The following IMPDH1 variants were observed in gnomAD, a reference collection of about 807,000 sequenced individuals.
The protein encoded by IMPDH1 is inosine-5'-monophosphate dehydrogenase 1.
IMPDH1 carries 41 observed loss-of-function variants against 73.5 expected under a neutral mutation model. The ratio of observed to expected loss-of-function variants is 0.56; its 90% confidence interval spans 0.43 to 0.72. The LOEUF (loss-of-function observed/expected upper bound fraction) is 0.72. IMPDH1 is among the 30% of genes least tolerant of loss of function. The pLI is 0.00. For missense variants in IMPDH1, 645 were observed against 824.8 expected, an observed-to-expected ratio of 0.78 and a Z score of 2.67; for synonymous variants, 318 against 334.3, an observed-to-expected ratio of 0.95 and a Z score of 0.53.
chr7:128,401,655 T>C (rs1798347213), intron 5 of IMPDH1, among the ~76,000 whole-genome samples: 1 of 152,072 alleles, frequency 6.6e-6, no homozygotes, highest in Non-Finnish European at 1.5e-5. Context: ...GACAGAGAAA[T>C]GATCTGATTT....
In IMPDH1 at chr7:128,409,741, T is replaced by C. The variant is rs1387971113; in HGVS notation, c.146+15A>G. On this transcript the variant is annotated intron_variant, in intron 1 of 16. Coordinates refer to ENST00000338791, the MANE Select transcript of IMPDH1 (RefSeq NM_000883.4). ...CGCCCCGGATGCGCCCCGCGCGCTC[T>C]GCCCTGGGCGTCACCTCTCGGGCTC... 2 of 1,523,924 alleles carry C rather than the reference T, an allele frequency of 1.3e-6. No homozygotes were observed. The highest frequency in any genetic ancestry group is 4.0e-5 in the Admixed American group (2 of 49,664). 94.4% of individuals were successfully genotyped at this position (1,523,924 alleles called of 1,614,324 possible).
In IMPDH1 at chr7:128,404,466, T is replaced by C. The variant is rs577222979; in HGVS notation, c.354-712A>G. Among the ~76,000 whole-genome samples, 12 of 152,238 alleles carry C rather than the reference T, an allele frequency of 7.9e-5. No homozygotes were observed. In the South Asian group the frequency reaches 2.3e-3, roughly 29 times the overall value. On this transcript the variant is annotated intron_variant, in intron 4 of 16. Coordinates refer to ENST00000338791, the MANE Select transcript of IMPDH1 (RefSeq NM_000883.4). ...AAGTGCAGGCCTGCATGGGTACATC[T>C]AGGTGCAGGGTCACAGCTCAGGGGC...
At chr7:128,393,712 G>A (rs547361674) in intron 16 of IMPDH1, 6 of 192,000 alleles carry the variant, frequency 3.1e-5, no homozygotes, top group South Asian at 2.1e-4. Context: ...CGGGCAGCGC[G>A]GTTACTTACA....
At chr7:128,403,836 A>G (rs1798512986) in intron 4 of IMPDH1, 82 bp from the exon 5 acceptor site, 1 of 1,227,654 alleles carries the variant, frequency 8.1e-7, no homozygotes, top group Non-Finnish European at 1.2e-6. Flanking sequence ...AGGAGGCAGC[A>G]GGGGGGTACA....
At chr7:128,408,808 G>T (rs918210763) in intron 3 of IMPDH1, among the ~76,000 whole-genome samples, 1 of 152,192 alleles carries the variant, frequency 6.6e-6, no homozygotes, top group African/African-American at 2.4e-5. Flanking sequence ...GAAAGGCTGG[G>T]AGTTGCCTAA....
chr7:128,398,347 T>C lies in IMPDH1; in HGVS notation c.1074+67A>G. On this transcript the variant is annotated intron_variant, in intron 10 of 16. Transcript: ENST00000338791. This position sits in a 1 kb window ranked among gnomAD's most constrained non-coding sequence, Gnocchi z 4.3. ...AGGCTTAATCAGAGGTGAACCTGGG[T>C]CCTCATAAACCTCCACTCTGCTGAA... 1 of 1,306,448 alleles carries C rather than the reference T, an allele frequency of 7.7e-7. No individual in the cohort carries two copies. The highest frequency in any genetic ancestry group is 1.2e-5 in the South Asian group (1 of 83,758). 80.9% of individuals were successfully genotyped at this position (1,306,448 alleles called of 1,614,324 possible).
intron 3 of IMPDH1, among the ~76,000 whole-genome samples, chr7:128,408,328 G>T (rs1366926901): frequency 6.6e-6 from 1 of 152,200 alleles, no homozygotes; most frequent in Non-Finnish European, 1.5e-5. Context: ...GATGGGGGAA[G>T]GGCAGAAAAG....
Position 128,409,278 on chromosome 7 carries a change from A to T in IMPDH1, c.254+11T>A, listed in dbSNP as rs552723871. Reference sequence around the variant, plus strand: ...TCTCAGTGCATGGTGAGGAGGGGAGAGTGTCCTCACCTAGCCCTGCGAAGG... The same window carrying T: ...TCTCAGTGCATGGTGAGGAGGGGAGTGTGTCCTCACCTAGCCCTGCGAAGG... On this transcript the variant is annotated intron_variant, in intron 3 of 16. Coordinates refer to ENST00000338791, the MANE Select transcript of IMPDH1 (RefSeq NM_000883.4). The T allele has an allele frequency of 1.2e-4, 196 of 1,608,050 alleles. 2 individuals are homozygous for T. In the South Asian group the frequency reaches 2.0e-3, roughly 16 times the overall value.
intron 12 of IMPDH1, 62 bp from the exon 13 acceptor site, chr7:128,395,336 G>T: frequency 6.3e-7 from 1 of 1,588,674 alleles, no homozygotes; most frequent in Non-Finnish European, 8.6e-7. Flanking sequence ...GGCCTGGAGC[G>T]GGGCCAGCCC....
intron 5 of IMPDH1, among the ~76,000 whole-genome samples, chr7:128,401,790 G>C (rs3793167): frequency 1.3e-5 from 2 of 152,188 alleles, no homozygotes; most frequent in Non-Finnish European, 2.9e-5. Flanking sequence ...CGAATGGTCT[G>C]GAGCTCAGGA....
Position 128,394,666 on chromosome 7 carries a change from G to C in IMPDH1, c.1551-67C>G. On this transcript the variant is annotated intron_variant, in intron 14 of 16. Coordinates refer to ENST00000338791, the MANE Select transcript of IMPDH1 (RefSeq NM_000883.4). The surrounding 1 kb of genome is among the most constrained non-coding windows in gnomAD (Gnocchi z 5.5). Reference sequence around the variant, plus strand: ...CAGAGGACCCCACCCCACCTCTTAAGGGCAAAAACGGGATACCGCCCAGGA... The same window carrying C: ...CAGAGGACCCCACCCCACCTCTTAACGGCAAAAACGGGATACCGCCCAGGA... 2 of 1,586,002 alleles carry C rather than the reference G, an allele frequency of 1.3e-6. No individual in the cohort carries two copies. The highest frequency in any genetic ancestry group is 1.7e-6 in the Non-Finnish European group (2 of 1,161,650).
At position 128,392,969 on chromosome 7, in the gene IMPDH1, G is replaced by A. The variant is rs1276310090; in HGVS notation, c.*38C>T. 1 of 1,610,832 alleles carries A rather than the reference G, an allele frequency of 6.2e-7. No individual in the cohort carries two copies. Among genetic ancestry groups the A allele is most frequent in the Middle Eastern group, 1.7e-4 (1 of 6,022 alleles). Reference sequence around the variant, plus strand: ...GCTGTGCCCAAAAGTGGACACTGGGGTGCATCCCCTCCACCACCTCGGCCT... The same window carrying A: ...GCTGTGCCCAAAAGTGGACACTGGGATGCATCCCCTCCACCACCTCGGCCT... On this transcript the variant is annotated 3_prime_UTR_variant, in exon 17 of 17. Transcript: ENST00000338791.
intron 4 of IMPDH1, 108 bp from the exon 5 acceptor site, chr7:128,403,862 G>A (rs1798515880): frequency 1.0e-6 from 1 of 957,142 alleles, no homozygotes; most frequent in South Asian, 1.3e-5. Flanking sequence ...GCCTAGAGGA[G>A]CAGAGGCTAC....
At chr7:128,395,055 T>C in intron 13 of IMPDH1, 22 bp from the exon 14 acceptor site, 1 of 1,613,826 alleles carries the variant, frequency 6.2e-7, no homozygotes, top group Non-Finnish European at 8.5e-7. Flanking sequence ...AAGGGATTAG[T>C]GCCTCCAGCC....
Position 128,403,738 on chromosome 7 carries a change from G to A in IMPDH1, c.370C>T (p.Pro124Ser). The A allele has an allele frequency of 6.2e-7, 1 of 1,614,060 alleles. No homozygotes were observed. The highest frequency in any genetic ancestry group is 1.1e-5 in the South Asian group (1 of 91,084). The change falls in exon 5 of 17, where the codon CCA (proline) becomes TCA (serine). Residue 124 changes from proline to serine, a missense_variant. Coordinates refer to ENST00000338791, the MANE Select transcript of IMPDH1 (RefSeq NM_000883.4). Reference protein sequence around the residue: ...GLTYNDFLILPGFIDFIADEV... With the variant: ...GLTYNDFLILSGFIDFIADEV... ...TCAGCTATGAAGTCTATGAATCCTG[G>A]GAGAATCAGGAAGTCGCTGTGAAGA...
chr7:128,394,620 T>A lies in IMPDH1; in HGVS notation c.1551-21A>T. ...CCTCGCTGCGTGGAGGGTGGAAGAC[T>A]GAGCCCAGCAGCTTGAAGCTCAGAG... On this transcript the variant is annotated intron_variant, in intron 14 of 16. Transcript: ENST00000338791. The surrounding 1 kb of genome is among the most constrained non-coding windows in gnomAD (Gnocchi z 5.5). 1 of 1,612,722 alleles carries A rather than the reference T, an allele frequency of 6.2e-7. No homozygotes were observed. Among genetic ancestry groups the A allele is most frequent in the East Asian group, 2.2e-5 (1 of 44,868 alleles).
At chr7:128,405,519 G>A (rs972439138) in intron 4 of IMPDH1, among the ~76,000 whole-genome samples, 9 of 152,196 alleles carry the variant, frequency 5.9e-5, no homozygotes, top group African/African-American at 1.9e-4. Flanking sequence ...CCGCTGAGAG[G>A]AGGAAGGGGA....
In IMPDH1 at chr7:128,397,028, AG is replaced by A. The variant is rs775430851; in HGVS notation, c.1075-7del. 1 of 1,609,596 alleles carries A rather than the reference AG, an allele frequency of 6.2e-7. No homozygotes were observed. Among genetic ancestry groups the A allele is most frequent in the Non-Finnish European group, 8.5e-7 (1 of 1,175,850 alleles). On this transcript the variant is annotated splice_polypyrimidine_tract_variant and splice_region_variant and intron_variant, in intron 10 of 16. Transcript: ENST00000338791. ...GAATTCCCTTGGGACGAGTCCTGTGAGAAAGGACGGAAGAGCTTGGGCTTAG... is the reference window on the plus strand; with the variant it reads ...GAATTCCCTTGGGACGAGTCCTGTGAAAAGGACGGAAGAGCTTGGGCTTAG...
At chr7:128,409,720 C>T (rs945806515) in intron 1 of IMPDH1, 36 bp downstream of exon 1, 12 of 1,524,640 alleles carry the variant, frequency 7.9e-6, no homozygotes, top group South Asian at 1.2e-5. Context: ...GCCGCCCGCC[C>T]CGGATGCGCC....
Sources: gnomAD v4.1 joint callset for allele counts (sites outside exome capture counted in the v4.1 genomes callset) on GRCh38, gnomAD v4.1.1 for gene constraint, Gnocchi (gnomAD v3.1) non-coding constraint, MANE v1.5 for transcripts, NCBI Gene and HGNC (gene_info 2026-07-23, HGNC 2026-07-21) for gene names.